The following ABCD4 variants were observed in gnomAD, a reference collection of about 807,000 sequenced individuals.
ABCD4 encodes the protein lysosomal cobalamin transporter ABCD4.
Under a neutral mutation model 86.3 loss-of-function variants are expected in ABCD4, and 53 were observed. That is an observed-to-expected ratio of 0.61 (90% confidence interval 0.49 to 0.77). The LOEUF (loss-of-function observed/expected upper bound fraction) is 0.77. Among genes scored for constraint, ABCD4 ranks in the 30% least tolerant of loss-of-function variants. ABCD4 has a pLI of 0.00. For synonymous variants in ABCD4, 328 were observed against 313.6 expected (o/e 1.05, Z -0.49); for missense variants, 757 against 764.5 (o/e 0.99, Z 0.12).
At chr14:74,289,166 G>T in intron 14 of ABCD4, 1 of 1,225,458 alleles carries the variant, frequency 8.2e-7, no homozygotes, top group Non-Finnish European at 1.0e-6. Context: ...CATGGATGAT[G>T]CAGGGGTGGG....
chr14:74,285,521 A>G lies in ABCD4; in HGVS notation c.*940T>C, dbSNP rs1355779917. The G allele has an allele frequency of 6.6e-6, 1 of 152,212 alleles. No individual in the cohort carries two copies. Among genetic ancestry groups the G allele is most frequent in the East Asian group, 1.9e-4 (1 of 5,204 alleles). The allele number at this position is 152,212 out of a possible 1,614,324, so 9.4% of individuals were successfully genotyped here. On this transcript the variant is annotated 3_prime_UTR_variant, in exon 19 of 19. Coordinates refer to ENST00000356924, the MANE Select transcript of ABCD4 (RefSeq NM_005050.4). ...AAACTTAAAAGGTTTGTTTTTAAAA[A>G]TATTAAGTAACTCAAGTACTAGAAG... is the stretch of plus-strand genomic sequence containing the variant.
intron 11 of ABCD4, 103 bp from the exon 12 acceptor site, chr14:74,290,602 CT>C (rs2081238226): frequency 9.5e-6 from 8 of 841,718 alleles, no homozygotes; most frequent in South Asian, 8.8e-5. Flanking sequence ...TTATTATGGG[CT>C]GACTTGCATC....
intron 1 of ABCD4, among the ~76,000 whole-genome samples, chr14:74,302,482 G>T (rs1425354208): frequency 6.6e-6 from 1 of 152,158 alleles, no homozygotes; most frequent in Non-Finnish European, 1.5e-5. Context: ...GAGTGAAAGG[G>T]GTCTGGGAAT....
chr14:74,293,082 T>C lies in ABCD4; in HGVS notation c.814+72A>G, dbSNP rs2081979603. 7 of 1,512,454 alleles carry C rather than the reference T, an allele frequency of 4.6e-6. No individual in the cohort carries two copies. The South Asian group carries it at 7.0e-5, about 15-fold the overall frequency. 93.7% of individuals were successfully genotyped at this position (1,512,454 alleles called of 1,614,324 possible). A position where few individuals can be genotyped will look rare whatever the true frequency, so the allele number is the denominator to read the frequency against. On this transcript the variant is annotated intron_variant, in intron 8 of 18. Transcript: ENST00000356924. Reference sequence around the variant, plus strand: ...CACATTTATCCTTGCAGACAGGAGGTAGAGAGGTGTGGGAAGGGAAGCAGA... The same window carrying C: ...CACATTTATCCTTGCAGACAGGAGGCAGAGAGGTGTGGGAAGGGAAGCAGA...
intron 7 of ABCD4, 120 bp downstream of exon 7, chr14:74,295,028 G>T: frequency 1.6e-6 from 2 of 1,240,832 alleles, no homozygotes; most frequent in Non-Finnish European, 2.3e-6. Context: ...GAGGGTCACA[G>T]CCAAGTGTGA....
intron 1 of ABCD4, among the ~76,000 whole-genome samples, chr14:74,300,945 CT>C (rs1245379718): frequency 7.2e-5 from 11 of 151,910 alleles, no homozygotes; most frequent in Admixed American, 7.2e-4. Context: ...CTCCGCCTCC[CT>C]GGTTCAAGTG....
chr14:74,299,504 G>A (rs773763005), intron 3 of ABCD4, 44 bp downstream of exon 3: 18 of 1,608,040 alleles, frequency 1.1e-5, no homozygotes, highest in Non-Finnish European at 1.5e-5. Flanking sequence ...CGGTCACACT[G>A]GACTGGAGAG....
Position 74,286,723 on chromosome 14 carries a change from C to T in ABCD4, c.1730G>A (p.Gly577Glu), listed in dbSNP as rs566459052. ...QQLGMTFISV[G>E]HRQSLEKFHS... is the part of the protein sequence containing the mutation. Reference sequence around the variant, plus strand: ...TACCTTCTCAAGGCTCTGCCGATGTCCCACACTGATGAACGTCATCCCCAG... The same window carrying T: ...TACCTTCTCAAGGCTCTGCCGATGTTCCACACTGATGAACGTCATCCCCAG... The change falls in exon 18 of 19, where the codon GGA (glycine) becomes GAA (glutamate). Residue 577 changes from glycine (G) to glutamate (E), a missense_variant. Physicochemically the swap from Gly to Glu is moderately conservative, Grantham distance 98. Transcript: ENST00000356924. 13 of 1,614,126 alleles carry T rather than the reference C, an allele frequency of 8.1e-6. No individual in the cohort carries two copies. In the South Asian group the frequency reaches 1.2e-4, roughly 15 times the overall value.
At chr14:74,297,760 C>T in intron 4 of ABCD4, 170 bp downstream of exon 4, 4 of 1,361,210 alleles carry the variant, frequency 2.9e-6, no homozygotes, top group Non-Finnish European at 3.8e-6. Flanking sequence ...CACAGCCCTG[C>T]AGCTTCTCCA....
At chr14:74,296,035 A>C (rs2082762129) in intron 5 of ABCD4, 56 bp from the exon 6 acceptor site, 1 of 1,547,854 alleles carries the variant, frequency 6.5e-7, no homozygotes, top group East Asian at 2.3e-5. Context: ...ACCTATCCCC[A>C]CATGCCTCAG....
chr14:74,302,324 G>A (rs2084823394), intron 1 of ABCD4, among the ~76,000 whole-genome samples: 1 of 152,118 alleles, frequency 6.6e-6, no homozygotes, highest in African/African-American at 2.4e-5. Flanking sequence ...ACAATGTTGA[G>A]GAAAAAGGTT....
At chr14:74,295,236 G>C in intron 6 of ABCD4, 38 bp from the exon 7 acceptor site, 1 of 1,612,208 alleles carries the variant, frequency 6.2e-7, no homozygotes. Flanking sequence ...TGACAACAGG[G>C]AGTACTGGCC....
chr14:74,297,060 G>C (rs1319223670), intron 4 of ABCD4: 1 of 152,554 alleles, frequency 6.6e-6, no homozygotes, highest in East Asian at 1.9e-4. Context: ...TGGTGAGTGA[G>C]GGGATGGGTG....
chr14:74,302,433 C>A (rs2084880059), intron 1 of ABCD4, among the ~76,000 whole-genome samples: 1 of 152,096 alleles, frequency 6.6e-6, no homozygotes, highest in Non-Finnish European at 1.5e-5. Context: ...GACCGTAAAG[C>A]CACTTATATA....
In ABCD4 at chr14:74,286,681, A is replaced by G. The variant is rs1404306844; in HGVS notation, c.1752+20T>C. 6.2e-7 allele frequency: 1 copy of G among 1,613,856 alleles called. No individual in the cohort carries two copies. Among genetic ancestry groups the G allele is most frequent in the East Asian group, 2.2e-5 (1 of 44,884 alleles). Reference sequence around the variant, plus strand: ...TTGGGTTCTTTCTCCTCCTCAGGCCATCCTTGTGAGCACGGGTACCTTCTC... The same window carrying G: ...TTGGGTTCTTTCTCCTCCTCAGGCCGTCCTTGTGAGCACGGGTACCTTCTC... On this transcript the variant is annotated intron_variant, in intron 18 of 18. Coordinates refer to ENST00000356924, the MANE Select transcript of ABCD4 (RefSeq NM_005050.4).
intron 14 of ABCD4, 69 bp from the exon 15 acceptor site, chr14:74,288,834 C>T: frequency 6.3e-7 from 1 of 1,575,586 alleles, no homozygotes; most frequent in Admixed American, 1.8e-5. Flanking sequence ...CAGGGCAAGG[C>T]TGTGCACAGT....
intron 17 of ABCD4, 22 bp from the exon 18 acceptor site, chr14:74,286,838 GAA>G (rs1284354987): frequency 1.2e-6 from 2 of 1,608,766 alleles, no homozygotes; most frequent in African/African-American, 2.7e-5. Flanking sequence ...GAGCACAGAG[GAA>G]GAGATCAAAG....
At chr14:74,295,331 C>A in intron 6 of ABCD4, 133 bp from the exon 7 acceptor site, 1 of 1,003,914 alleles carries the variant, frequency 1.0e-6, no homozygotes, top group African/African-American at 1.6e-5. Context: ...TCAGTCTGAC[C>A]CTTTCCTGGA....
intron 3 of ABCD4, among the ~76,000 whole-genome samples, 169 bp from the exon 4 acceptor site, chr14:74,298,238 C>T (rs2083390516): frequency 6.6e-6 from 1 of 152,174 alleles, no homozygotes; most frequent in Non-Finnish European, 1.5e-5. Context: ...ATGGGACTTT[C>T]CCTTCCTCAC....
Sources: gnomAD v4.1 joint callset for allele counts (sites outside exome capture counted in the v4.1 genomes callset) on GRCh38, gnomAD v4.1.1 for gene constraint, MANE v1.5 for transcripts, NCBI Gene and HGNC (gene_info 2026-07-23, HGNC 2026-07-21) for gene names.